Variants in PRORP observed in about 807,000 individuals in gnomAD.
PRORP encodes protein only RNase P catalytic subunit, also known as mitochondrial ribonuclease P catalytic subunit.
PRORP carries 51 observed loss-of-function variants against 59.4 expected under a neutral mutation model. The observed-to-expected ratio is 0.86, with a 90% CI of 0.69 to 1.08. PRORP has a LOEUF of 1.08. Ranked by LOEUF, PRORP falls within the 50% of genes least tolerant of loss-of-function variation. The pLI is 0.00. For missense variants in PRORP, 646 were observed against 690.3 expected (o/e 0.94, Z 0.72); for synonymous variants, 231 against 245.6 (o/e 0.94, Z 0.55).
At position 35,252,511 on chromosome 14, in the gene PRORP, C is replaced by T. The variant is rs573600702; in HGVS notation, c.1276-14216C>T. Among the ~76,000 whole-genome samples, 10 of 152,298 alleles carry T rather than the reference C, an allele frequency of 6.6e-5. No homozygotes were observed. In the East Asian group the frequency reaches 1.9e-3, roughly 29 times the overall value. On this transcript the variant is annotated intron_variant, in intron 5 of 7. Coordinates refer to ENST00000534898, the MANE Select transcript of PRORP (RefSeq NM_014672.4). ...TGGCTGTCTTCCAGTTGCCTTCTTT[C>T]ATGGTGCAGGCAGGATGCTGAGCCC...
intron 5 of PRORP, among the ~76,000 whole-genome samples, chr14:35,207,385 C>T (rs76798410): frequency 3.3e-5 from 5 of 152,166 alleles, no homozygotes; most frequent in Non-Finnish European, 5.9e-5. Flanking sequence ...AAAAAATTAC[C>T]TTCTTCAATA....
Position 35,180,788 on chromosome 14 carries a change from G to A in PRORP, c.1275+11G>A. ...CGTGAATCTCAACTTGTAAGTATAA[G>A]TTTTACTTTGTTATTCCACATCTCT... On this transcript the variant is annotated intron_variant, in intron 5 of 7. Coordinates refer to ENST00000534898, the MANE Select transcript of PRORP (RefSeq NM_014672.4). The A allele has an allele frequency of 1.3e-6, 2 of 1,494,212 alleles. No individual in the cohort carries two copies. The highest frequency in any genetic ancestry group is 1.9e-6 in the Non-Finnish European group (2 of 1,073,302). 92.6% of individuals were successfully genotyped at this position (1,494,212 alleles called of 1,614,324 possible). A position where few individuals can be genotyped will look rare whatever the true frequency, so the allele number is the denominator to read the frequency against.
At chr14:35,209,291 A>G (rs1312200515) in intron 5 of PRORP, among the ~76,000 whole-genome samples, 3 of 152,210 alleles carry the variant, frequency 2.0e-5, no homozygotes, top group Non-Finnish European at 4.4e-5. Context: ...AATGATAGTA[A>G]TATGTAGCTA....
intron 4 of PRORP, among the ~76,000 whole-genome samples, chr14:35,174,175 G>C (rs889580934): frequency 6.6e-6 from 1 of 151,554 alleles, no homozygotes; most frequent in East Asian, 1.9e-4. Flanking sequence ...CCTTTTGAGA[G>C]GGGAGTGTCA....
intron 4 of PRORP, among the ~76,000 whole-genome samples, chr14:35,141,571 G>T (rs541232340): frequency 6.9e-6 from 1 of 144,830 alleles, no homozygotes; most frequent in African/African-American, 2.4e-5. Context: ...CCTAGACATG[G>T]TTCTTGATAA....
chr14:35,255,259 C>G (rs2050721560), intron 5 of PRORP, among the ~76,000 whole-genome samples: 1 of 152,148 alleles, frequency 6.6e-6, no homozygotes, highest in Non-Finnish European at 1.5e-5. Flanking sequence ...TCCCAAGTAG[C>G]TGGGACTACA....
At chr14:35,138,511 G>A (rs906339872) in intron 4 of PRORP, among the ~76,000 whole-genome samples, 7 of 144,932 alleles carry the variant, frequency 4.8e-5, no homozygotes, top group African/African-American at 1.7e-4. Context: ...TTGAGAATAT[G>A]AGGTATAAAC....
At chr14:35,130,776 A>C (rs1284652497) in intron 4 of PRORP, among the ~76,000 whole-genome samples, 1 of 150,536 alleles carries the variant, frequency 6.6e-6, no homozygotes, top group Non-Finnish European at 1.5e-5. Context: ...GAGCTACTGC[A>C]CCCGGCCTAT....
intron 5 of PRORP, among the ~76,000 whole-genome samples, chr14:35,244,834 C>T (rs1481137217): frequency 6.6e-6 from 1 of 152,222 alleles, no homozygotes; most frequent in Non-Finnish European, 1.5e-5. Context: ...AGTCAGGTAA[C>T]ATAATCCTGA....
chr14:35,219,804 C>A (rs1466125682), intron 5 of PRORP, among the ~76,000 whole-genome samples: 1 of 152,280 alleles, frequency 6.6e-6, no homozygotes, highest in African/African-American at 2.4e-5. Context: ...GGAAACACTG[C>A]AGAAAAACTT....
At chr14:35,192,422 A>G (rs2048906478) in intron 5 of PRORP, among the ~76,000 whole-genome samples, 1 of 152,226 alleles carries the variant, frequency 6.6e-6, no homozygotes, top group South Asian at 2.1e-4. Context: ...CAACATGGCA[A>G]TGCAAAACTG....
At chr14:35,217,161 AT>A (rs1356634414) in intron 5 of PRORP, among the ~76,000 whole-genome samples, 1 of 151,284 alleles carries the variant, frequency 6.6e-6, no homozygotes, top group Non-Finnish European at 1.5e-5. Flanking sequence ...TGTCCAATCT[AT>A]TTTTTTTCTT....
intron 5 of PRORP, among the ~76,000 whole-genome samples, chr14:35,245,504 G>A (rs2050461437): frequency 6.6e-6 from 1 of 152,134 alleles, no homozygotes; most frequent in Non-Finnish European, 1.5e-5. Flanking sequence ...AATTAGCTAG[G>A]TGTTGTGGTG....
upstream of PRORP, chr14:35,122,067 C>G: frequency 8.5e-7 from 1 of 1,182,512 alleles, no homozygotes; most frequent in Non-Finnish European, 1.2e-6. Context: ...GGAAGGCCGT[C>G]CAACCACCAT....
intron 4 of PRORP, among the ~76,000 whole-genome samples, chr14:35,137,378 A>G (rs1947012593): frequency 6.9e-6 from 1 of 145,498 alleles, no homozygotes; most frequent in Non-Finnish European, 1.5e-5. Context: ...GTTGGAAATG[A>G]AGGAAATATC....
intron 5 of PRORP, among the ~76,000 whole-genome samples, chr14:35,254,434 C>T (rs2050695850): frequency 1.3e-5 from 2 of 152,078 alleles, no homozygotes; most frequent in Admixed American, 6.6e-5. Flanking sequence ...CTCTTGTTGC[C>T]CAGGCTGGAG....
intron 4 of PRORP, among the ~76,000 whole-genome samples, chr14:35,166,789 C>A (rs924320479): frequency 1.3e-5 from 2 of 152,136 alleles, no homozygotes; most frequent in African/African-American, 4.8e-5. Flanking sequence ...ACGTATCTTT[C>A]ATTGGCCTGT....
chr14:35,267,605 C>A (rs1253799346), intron 6 of PRORP, among the ~76,000 whole-genome samples: 1 of 152,086 alleles, frequency 6.6e-6, no homozygotes, highest in Non-Finnish European at 1.5e-5. Flanking sequence ...AACGGTGAAA[C>A]CTCATCTCTA....
intron 4 of PRORP, among the ~76,000 whole-genome samples, chr14:35,139,006 G>A (rs2047428812): frequency 6.9e-6 from 1 of 145,360 alleles, no homozygotes; most frequent in African/African-American, 2.4e-5. Context: ...GGCTAGGCTG[G>A]TGTCGAACTC....
Sources: gnomAD v4.1 joint callset for allele counts (sites outside exome capture counted in the v4.1 genomes callset) on GRCh38, gnomAD v4.1.1 for gene constraint, MANE v1.5 for transcripts, NCBI Gene and HGNC (gene_info 2026-07-23, HGNC 2026-07-21) for gene names.